Variants in CCDC171 observed in about 807,000 individuals in gnomAD.
CCDC171 encodes coiled-coil domain-containing protein 171.
CCDC171 carries 177 observed loss-of-function variants against 168.2 expected under a neutral mutation model. The ratio of observed to expected loss-of-function variants is 1.05; its 90% confidence interval spans 0.93 to 1.19. The LOEUF is 1.19. CCDC171 is among the 50% of genes most tolerant of loss of function. The pLI is 0.00. For synonymous variants in CCDC171, 687 were observed against 540.8 expected, an observed-to-expected ratio of 1.27 and a Z score of -3.75; for missense variants, 1,991 against 1,539.0, an observed-to-expected ratio of 1.29 and a Z score of -4.91.
At chr9:15,855,814 G>A (rs2061329550) in intron 23 of CCDC171, among the ~76,000 whole-genome samples, 1 of 151,662 alleles carries the variant, frequency 6.6e-6, no homozygotes, top group Non-Finnish European at 1.5e-5. Context: ...AAAAAATTTT[G>A]CTCTTAAATA....
At chr9:15,619,974 T>C (rs2044379685) in intron 6 of CCDC171, among the ~76,000 whole-genome samples, 1 of 152,196 alleles carries the variant, frequency 6.6e-6, no homozygotes, top group African/African-American at 2.4e-5. Context: ...TGACAGCTCA[T>C]CTCTTTACAG....
chr9:16,014,215 T>C (rs1832952391), intron 3 of CCDC171, among the ~76,000 whole-genome samples: 1 of 152,188 alleles, frequency 6.6e-6, no homozygotes, highest in Non-Finnish European at 1.5e-5. Flanking sequence ...TCACCAGGAG[T>C]AGATTCTATT....
At chr9:15,677,011 A>G (rs2049627894) in intron 9 of CCDC171, among the ~76,000 whole-genome samples, 1 of 152,060 alleles carries the variant, frequency 6.6e-6, no homozygotes, top group South Asian at 2.1e-4. Context: ...TTTTGTTCCC[A>G]GTGTTCTGAA....
At chr9:15,998,778 A>G (rs970470899) in intron 3 of CCDC171, among the ~76,000 whole-genome samples, 4 of 152,302 alleles carry the variant, frequency 2.6e-5, no homozygotes, top group Admixed American at 6.5e-5. Flanking sequence ...TAAATGCAGA[A>G]ACTTTAAAGG....
rs540307744 is a variant in CCDC171 at position 15,632,993 on chromosome 9, C to T, written c.822+9580C>T. On this transcript the variant is annotated intron_variant, in intron 7 of 25. Transcript: ENST00000380701. ...TATGTAGAAAGCTGAAACTGGGTCCCTTCCTTACCCATTACACAAAAATTA... is the reference window on the plus strand; with the variant it reads ...TATGTAGAAAGCTGAAACTGGGTCCTTTCCTTACCCATTACACAAAAATTA... 6.6e-5 allele frequency among the ~76,000 whole-genome samples: 10 copies of T among 152,294 alleles called. No individual in the cohort carries two copies. The South Asian group carries it at 8.3e-4, about 13-fold the overall frequency.
At chr9:15,991,331 T>G (rs1250593489) in intron 3 of CCDC171, among the ~76,000 whole-genome samples, 1 of 151,914 alleles carries the variant, frequency 6.6e-6, no homozygotes, top group Non-Finnish European at 1.5e-5. Flanking sequence ...GAATGACTAC[T>G]GGGTACATAA....
chr9:15,838,386 T>A (rs1307059180), intron 21 of CCDC171, among the ~76,000 whole-genome samples: 1 of 152,208 alleles, frequency 6.6e-6, no homozygotes, highest in Non-Finnish European at 1.5e-5. Flanking sequence ...CCTCTTGTAT[T>A]TCTTTAATTA....
Position 15,971,683 on chromosome 9 carries a change from G to A in CCDC171, c.3828G>A (p.Gly1276=), listed in dbSNP as rs757461516. ...TTCCTGCTGACACAACTGGTATTGG[G>A]GATTTCTTACCATTGAAAGCTGAAC... The part of the protein sequence containing the change: ...APLPADTTGI[G]DFLPLKAELD... The change falls in exon 26 of 26, where the codon GGG becomes GGA. Residue 1276 remains glycine, a synonymous_variant. Transcript: ENST00000380701. 1 of 1,613,714 alleles carries A rather than the reference G, an allele frequency of 6.2e-7. No homozygotes were observed. Among genetic ancestry groups the A allele is most frequent in the Non-Finnish European group, 8.5e-7 (1 of 1,179,840 alleles).
intron 23 of CCDC171, among the ~76,000 whole-genome samples, chr9:15,866,690 C>T (rs560621213): frequency 5.5e-4 from 83 of 151,914 alleles, no homozygotes; most frequent in Non-Finnish European, 9.9e-4. Context: ...TAACATAATA[C>T]TCTGGCAAAG....
chr9:15,804,981 G>T (rs2059006727), intron 21 of CCDC171, among the ~76,000 whole-genome samples: 1 of 151,966 alleles, frequency 6.6e-6, no homozygotes, highest in Admixed American at 6.6e-5. Context: ...TTTCAGTCTT[G>T]GGAGGGTATA....
In CCDC171 at chr9:15,616,169, C is replaced by T. The variant is rs2044068767; in HGVS notation, c.676-7098C>T. On this transcript the variant is annotated intron_variant, in intron 6 of 25. Coordinates refer to ENST00000380701, the MANE Select transcript of CCDC171 (RefSeq NM_173550.4). ...TTTCCACCATGTTGGCCAGGTTGGT[C>T]TCGAACTCCTGATCTCAAGTGATCT... Among the ~76,000 whole-genome samples the T allele has an allele frequency of 1.3e-5, 2 of 152,098 alleles. 1 individual carries two copies. Among genetic ancestry groups the T allele is most frequent in the South Asian group, 4.1e-4 (2 of 4,830 alleles).
chr9:16,004,022 A>T (rs987339207), intron 3 of CCDC171, among the ~76,000 whole-genome samples: 2 of 152,146 alleles, frequency 1.3e-5, no homozygotes, highest in East Asian at 3.9e-4. Context: ...ATCGGCATTG[A>T]CCAGGTGATG....
chr9:15,605,704 A>G (rs2043178770), intron 6 of CCDC171, among the ~76,000 whole-genome samples: 1 of 151,768 alleles, frequency 6.6e-6, no homozygotes, highest in South Asian at 2.1e-4. Context: ...AAAAGAAAAA[A>G]AAAAGTCCCT....
chr9:16,108,081 A>G, the CCDC171 span, among the ~76,000 whole-genome samples: 1 of 152,238 alleles, frequency 6.6e-6, no homozygotes, highest in African/African-American at 2.4e-5. Flanking sequence ...AAAGTATTCT[A>G]TAGTTTCAGA....
intron 24 of CCDC171, among the ~76,000 whole-genome samples, chr9:15,892,176 A>G (rs1352200299): frequency 6.6e-6 from 1 of 152,106 alleles, no homozygotes; most frequent in African/African-American, 2.4e-5. Flanking sequence ...CTCTCTTTCT[A>G]TTTGAATAGC....
chr9:15,914,258 C>T (rs988026301), intron 24 of CCDC171, among the ~76,000 whole-genome samples: 2 of 152,144 alleles, frequency 1.3e-5, no homozygotes, highest in Admixed American at 6.5e-5. Flanking sequence ...GCCCCCCTTC[C>T]CCCAGGTACT....
rs921911022 is a variant in CCDC171, at chr9:15,666,167, G to A, written c.920G>A (p.Arg307Gln). Residue 307 changes from arginine (R) to glutamine (Q), a missense_variant, in exon 9 of 26, where the codon CGG becomes CAG. Arg to Gln is a conservative substitution (Grantham distance 43, BLOSUM62 1). Transcript: ENST00000380701. ...TACTTGTCTGTCGTCCGGTAGTTAC[G>A]GATTCGAGACCTTGAAGGAGCTTTG... is the stretch of plus-strand genomic sequence containing the variant. ...SKFNSEIIQL[R>Q]IRDLEGALQV... The A allele has an allele frequency of 2.0e-5, 33 of 1,612,924 alleles. No individual in the cohort carries two copies. Among genetic ancestry groups the A allele is most frequent in the Non-Finnish European group, 2.7e-5 (32 of 1,179,582 alleles).
At chr9:15,981,638 T>G (rs566416954) in intron 3 of CCDC171, among the ~76,000 whole-genome samples, 1 of 152,286 alleles carries the variant, frequency 6.6e-6, no homozygotes, top group East Asian at 1.9e-4. Context: ...TAGATGTTCT[T>G]TTGTGGTTAG....
Position 15,561,438 on chromosome 9 carries a change from A to G in CCDC171, c.-111-2540A>G, listed in dbSNP as rs77197063. Reference sequence around the variant, plus strand: ...TCATGAGGAATTTTTAATCACTGACATAGTTTGACCAAATTGTGTATTTTA... The same window carrying G: ...TCATGAGGAATTTTTAATCACTGACGTAGTTTGACCAAATTGTGTATTTTA... On this transcript the variant is annotated intron_variant, in intron 1 of 25. Transcript: ENST00000380701. Among the ~76,000 whole-genome samples, 246 of 152,348 alleles carry G rather than the reference A, an allele frequency of 1.6e-3. 6 individuals carry two copies. The highest frequency in any genetic ancestry group is 3.0e-3 in the Non-Finnish European group (205 of 68,018).
Sources: allele counts gnomAD v4.1 joint callset (sites outside exome capture counted in the v4.1 genomes callset), GRCh38; gene constraint gnomAD v4.1.1; transcripts MANE v1.5; gene names NCBI Gene and HGNC (gene_info 2026-07-23, HGNC 2026-07-21).